Variants in NUMA1 observed in about 807,000 individuals in gnomAD.
NUMA1 encodes SP-H antigen.
NUMA1 carries 62 observed loss-of-function variants against 237.1 expected under a neutral mutation model. That is an observed-to-expected ratio of 0.26 (90% CI 0.21 to 0.32). NUMA1 has a LOEUF of 0.32. NUMA1 is among the 10% of genes least tolerant of loss of function. The pLI is 1.00. For synonymous variants in NUMA1, 1,028 were observed against 1,066.1 expected (o/e 0.96, Z 0.70); for missense variants, 2,533 against 2,666.5 (o/e 0.95, Z 1.10).
intron 3 of NUMA1, among the ~76,000 whole-genome samples, chr11:72,034,280 T>C (rs1262660128): frequency 6.6e-6 from 1 of 152,206 alleles, no homozygotes; most frequent in Non-Finnish European, 1.5e-5. Context: ...TGCATGTATG[T>C]GGGTACTTGT....
rs764347702 is a variant in NUMA1, at chr11:72,013,324, C to T, written c.4179G>A (p.Gly1393=). The stretch of plus-strand genomic sequence containing the variant: ...CCCGCAGCAGCTCTGCCCGCAGTCC[C>T]CCAGCGGCCTGCTTGCTCTGCTCCA... ...EELEQSKQAA[G]GLRAELLRAQ... is the part of the protein sequence containing the mutation. Residue 1393 remains glycine (G), a synonymous_variant, in exon 15 of 27, where the codon GGG becomes GGA. Transcript: ENST00000393695. The surrounding 1 kb of genome is among the most constrained non-coding windows in gnomAD (Gnocchi z 6.8). 5.0e-6 allele frequency: 8 copies of T among 1,606,334 alleles called. No homozygotes were observed. The highest frequency in any genetic ancestry group is 6.8e-6 in the Non-Finnish European group (8 of 1,179,808).
At chr11:72,063,966 A>T (rs1489627823) in intron 2 of NUMA1, among the ~76,000 whole-genome samples, 2 of 151,762 alleles carry the variant, frequency 1.3e-5, no homozygotes, top group Non-Finnish European at 2.9e-5. Flanking sequence ...AAAAAAAAAA[A>T]TCTCATGTTC....
intron 12 of NUMA1, 65 bp from the exon 13 acceptor site, chr11:72,017,892 C>A: frequency 1.3e-6 from 2 of 1,558,710 alleles, no homozygotes; most frequent in Non-Finnish European, 8.7e-7. Flanking sequence ...CTGCTGTCTG[C>A]TCCCAGAACC....
At chr11:72,077,774 A>C (rs911821129) in intron 1 of NUMA1, among the ~76,000 whole-genome samples, 3 of 148,680 alleles carry the variant, frequency 2.0e-5, no homozygotes, top group Non-Finnish European at 3.0e-5. Flanking sequence ...AGACTGTGCC[A>C]CTGCACTCCA....
intron 2 of NUMA1, chr11:72,067,735 A>G (rs1943263159): frequency 6.6e-6 from 1 of 152,212 alleles, no homozygotes; most frequent in Non-Finnish European, 1.5e-5. Context: ...AATTTTTAGC[A>G]TCTCTTAACT....
At chr11:72,018,324 AAG>A (rs1938195150) in intron 11 of NUMA1, 24 bp from the exon 12 acceptor site, 9 of 1,610,264 alleles carry the variant, frequency 5.6e-6, no homozygotes, top group Non-Finnish European at 7.6e-6. Flanking sequence ...AAGCAGTGAG[AAG>A]AGAGTATGGG....
intron 1 of NUMA1, among the ~76,000 whole-genome samples, chr11:72,079,914 C>G (rs916449732): frequency 6.6e-6 from 1 of 152,128 alleles, no homozygotes; most frequent in Non-Finnish European, 1.5e-5. Context: ...TCCCCGTCCC[C>G]ATTTATGCCC....
intron 2 of NUMA1, chr11:72,049,436 C>T (rs1942183270): frequency 6.7e-6 from 1 of 150,318 alleles, no homozygotes; most frequent in Non-Finnish European, 1.5e-5. Flanking sequence ...GGGCCAGGCA[C>T]AGTTGCTCAT....
intron 3 of NUMA1, among the ~76,000 whole-genome samples, chr11:72,033,099 A>G (rs920129649): frequency 1.1e-4 from 16 of 152,134 alleles, no homozygotes; most frequent in African/African-American, 3.9e-4. Context: ...GTTTCATAAA[A>G]TTTGCTTTAG....
chr11:72,016,132 G>C lies in NUMA1; in HGVS notation c.1371C>G (p.Phe457Leu). Reference sequence around the variant, plus strand: ...TAGACAGCTGCTGCTTTTCTTCTTCGAAGTGGCCCCGCTCAGCAAGCAGCT... The same window carrying C: ...TAGACAGCTGCTGCTTTTCTTCTTCCAAGTGGCCCCGCTCAGCAAGCAGCT... ...EAKLLAERGH[F>L]EEEKQQLSSL... The change falls in exon 15 of 27, where the codon TTC (phenylalanine) becomes TTG (leucine). Residue 457 changes from phenylalanine to leucine, a missense_variant. Phe to Leu is a conservative substitution (Grantham distance 22). Around this residue, in one of 3 missense-constraint regions of NUMA1, gnomAD observed 1,414 missense variants for 1,508.1 expected, o/e 0.94. Transcript: ENST00000393695. 6 of 1,614,026 alleles carry C rather than the reference G, an allele frequency of 3.7e-6. No homozygotes were observed. The highest frequency in any genetic ancestry group is 5.1e-6 in the Non-Finnish European group (6 of 1,180,008).
At position 72,004,054 on chromosome 11, in the gene NUMA1, T is replaced by C. The variant is rs760877546; in HGVS notation, c.6169A>G (p.Lys2057Glu). Residue 2057 changes from lysine to glutamate, a missense_variant, in exon 26 of 27, where the codon AAG (lysine) becomes GAG (glutamate). This residue lies in a region of NUMA1 where 795 missense variants were observed against 750.8 expected (regional missense o/e 1.06). Coordinates refer to ENST00000393695, the MANE Select transcript of NUMA1 (RefSeq NM_006185.4). Reference protein sequence around the residue: ...SMAFSILNTPKKLGNSLLRRG... With the variant: ...SMAFSILNTPEKLGNSLLRRG... ...CGCAGAAGGCTGTTCCCTAGCTTCT[T>C]GGGTGTGTTGAGGATGCTGAAGGCC... The C allele has an allele frequency of 1.2e-6, 2 of 1,613,444 alleles. No homozygotes were observed. The highest frequency in any genetic ancestry group is 3.3e-5 in the Admixed American group (2 of 59,884).
At chr11:72,054,757 C>T (rs1218664716) in intron 2 of NUMA1, among the ~76,000 whole-genome samples, 2 of 152,174 alleles carry the variant, frequency 1.3e-5, no homozygotes, top group East Asian at 1.9e-4. Flanking sequence ...ACTGGATATA[C>T]AGTTAGAAAT....
intron 2 of NUMA1, among the ~76,000 whole-genome samples, chr11:72,054,723 T>C (rs1442982168): frequency 6.6e-6 from 1 of 152,122 alleles, no homozygotes; most frequent in Non-Finnish European, 1.5e-5. Flanking sequence ...AGTTTGAGAG[T>C]TAGGTCTTAG....
chr11:72,004,885 C>T, intron 23 of NUMA1, 69 bp from the exon 24 acceptor site: 1 of 1,433,866 alleles, frequency 7.0e-7, no homozygotes, highest in African/African-American at 1.4e-5. Context: ...TGGGGCTGTC[C>T]CAGAACTCTA....
intron 1 of NUMA1, among the ~76,000 whole-genome samples, chr11:72,079,491 G>A (rs1190829468): frequency 6.6e-6 from 1 of 151,576 alleles, no homozygotes; most frequent in Non-Finnish European, 1.5e-5. Flanking sequence ...AGTGAGCCGA[G>A]ATCGCGCCAC....
Position 72,004,284 on chromosome 11 carries a change from C to G in NUMA1, c.6064G>C (p.Gly2022Arg), listed in dbSNP as rs1293833861. The G allele has an allele frequency of 6.2e-7, 1 of 1,613,362 alleles. No homozygotes were observed. The highest frequency in any genetic ancestry group is 1.3e-5 in the African/African-American group (1 of 74,848). ...GCCTCAGTAGTGCTCTGTTTGCGCCCTTCATGTCGGTCTCGGGGAGTCATG... is the reference window on the plus strand; with the variant it reads ...GCCTCAGTAGTGCTCTGTTTGCGCCGTTCATGTCGGTCTCGGGGAGTCATG... ...RPMTPRDRHEGRKQSTTEAQK... is the reference protein window; with the variant it reads ...RPMTPRDRHERRKQSTTEAQK... The change falls in exon 25 of 27, where the codon GGG becomes CGG. Residue 2022 changes from glycine (G) to arginine (R), a missense_variant. By Grantham distance (125) the Gly-to-Arg change is moderately radical. Transcript: ENST00000393695.
Position 72,029,192 on chromosome 11 carries a change from G to GAC in NUMA1, c.128+12_128+13insGT. 1 of 1,599,990 alleles carries GAC rather than the reference G, an allele frequency of 6.3e-7. No homozygotes were observed. The highest frequency in any genetic ancestry group is 1.3e-5 in the African/African-American group (1 of 74,794). ...TGCCTTAGAGGCTAGAAAGGGGTAT[G>GAC]GTGCGTACTCACATTCTGTCAATGA... On this transcript the variant is annotated intron_variant, in intron 4 of 26. Transcript: ENST00000393695.
In NUMA1 at chr11:72,014,720, T is replaced by A; in HGVS notation, c.2783A>T (p.Glu928Val). 6.2e-7 allele frequency: 1 copy of A among 1,614,084 alleles called. No individual in the cohort carries two copies. Among genetic ancestry groups the A allele is most frequent in the African/African-American group, 1.3e-5 (1 of 75,084 alleles). ...RLETLVRKAG[E>V]QQETASRELV... ...CTCCCGGGAGGCTGTTTCCTGCTGC[T>A]CACCTGCCTTGCGCACCAAGGTCTC... The change falls in exon 15 of 27, where the codon GAG (glutamate) becomes GTG (valine). Residue 928 changes from glutamate to valine, a missense_variant. By Grantham distance (121) the Glu-to-Val change is moderately radical. Around this residue, in one of 3 missense-constraint regions of NUMA1, gnomAD observed 1,414 missense variants for 1,508.1 expected, o/e 0.94. Transcript: ENST00000393695. The surrounding 1 kb of genome is among the most constrained non-coding windows in gnomAD (Gnocchi z 4.6).
chr11:72,010,697 C>T, intron 17 of NUMA1, 89 bp downstream of exon 17: 1 of 1,333,314 alleles, frequency 7.5e-7, no homozygotes. Flanking sequence ...TGCCCCTCTT[C>T]TGCCCCGACA....
Sources: allele counts gnomAD v4.1 joint callset (sites outside exome capture counted in the v4.1 genomes callset), GRCh38; gene constraint gnomAD v4.1.1; regional missense constraint gnomAD v4.1.1; non-coding constraint Gnocchi (gnomAD v3.1); transcripts MANE v1.5; gene names NCBI Gene and HGNC (gene_info 2026-07-23, HGNC 2026-07-21).